The following ABCB10 variants were observed in gnomAD, a reference collection of about 807,000 sequenced individuals.
The protein encoded by ABCB10 is ATP-binding cassette sub-family B member 10, mitochondrial.
ABCB10 carries 54 observed loss-of-function variants against 65.4 expected under a neutral mutation model. That is an observed-to-expected ratio of 0.83 (90% confidence interval 0.66 to 1.04). ABCB10 has a LOEUF of 1.04. ABCB10 is among the 50% of genes least tolerant of loss of function. The pLI, the probability that ABCB10 is intolerant of heterozygous loss-of-function variation, is 0.00. For synonymous variants in ABCB10, 418 were observed against 406.5 expected (o/e 1.03, Z -0.34); for missense variants, 846 against 976.6 (o/e 0.87, Z 1.78).
intron 10 of ABCB10, 66 bp downstream of exon 10, chr1:229,525,870 A>T (rs1303127871): frequency 6.6e-7 from 1 of 1,523,392 alleles, no homozygotes; most frequent in East Asian, 2.3e-5. Flanking sequence ...AAACAAAAAA[A>T]ACAAGAAACA....
Position 229,527,918 on chromosome 1 carries a change from G to A in ABCB10, c.1646-610C>T, listed in dbSNP as rs183983554. Among the ~76,000 whole-genome samples the A allele has an allele frequency of 2.0e-5, 3 of 152,280 alleles. No homozygotes were observed. In the East Asian group the frequency reaches 5.8e-4, roughly 29 times the overall value. The stretch of plus-strand genomic sequence containing the variant: ...ATTACTCCTTAAAATATCCCTTTCT[G>A]TAATAAGCTTAGTTGGTGAGGAATC... On this transcript the variant is annotated intron_variant, in intron 8 of 12. Coordinates refer to ENST00000344517, the MANE Select transcript of ABCB10 (RefSeq NM_012089.3).
At chr1:229,548,766 G>A (rs572919238) in intron 2 of ABCB10, among the ~76,000 whole-genome samples, 42 of 151,010 alleles carry the variant, frequency 2.8e-4, no homozygotes, top group African/African-American at 9.7e-4. Flanking sequence ...AGGTTCAAGC[G>A]ATTCTCCTGC....
At chr1:229,540,965 G>A (rs1662829088) in intron 4 of ABCB10, among the ~76,000 whole-genome samples, 1 of 152,154 alleles carries the variant, frequency 6.6e-6, no homozygotes, top group Admixed American at 6.5e-5. Flanking sequence ...ACAAAGCAGA[G>A]TATACAAAAC....
chr1:229,548,518 C>T (rs372303879), intron 2 of ABCB10, among the ~76,000 whole-genome samples: 2 of 152,216 alleles, frequency 1.3e-5, no homozygotes, highest in East Asian at 3.9e-4. Flanking sequence ...AAAAACAAGA[C>T]CTCTTCAGAG....
rs149070231 is a variant in ABCB10 at position 229,523,977 on chromosome 1, T to TTA, written c.1906+1957_1906+1958dup. ...TCAAAGACGCCTTTTCATCTACTGC[T>TTA]TATATATATATATATATTTTAAATC... On this transcript the variant is annotated intron_variant, in intron 10 of 12. Coordinates refer to ENST00000344517, the MANE Select transcript of ABCB10 (RefSeq NM_012089.3). Among the ~76,000 whole-genome samples, 989 of 149,692 alleles carry TTA rather than the reference T, an allele frequency of 6.6e-3. 4 individuals are homozygous for TTA. The highest frequency in any genetic ancestry group is 0.028 in the Middle Eastern group (8 of 288).
At chr1:229,544,416 CAAAAAAAAAAAAAA>C (rs35004821) in intron 3 of ABCB10, among the ~76,000 whole-genome samples, 2 of 60,996 alleles carry the variant, frequency 3.3e-5, no homozygotes, top group Non-Finnish European at 5.9e-5. Flanking sequence ...GACCTTCTCT[CAAAAAAAAAAAAAA>C]AAAAAAAAAA....
chr1:229,519,040 G>A (rs1662239335), intron 11 of ABCB10, 165 bp from the exon 12 acceptor site: 2 of 530,108 alleles, frequency 3.8e-6, no homozygotes, highest in Non-Finnish European at 6.6e-6. Flanking sequence ...CATACTGTAT[G>A]AGTTCACTTA....
In ABCB10 at chr1:229,553,480, T is replaced by A. The variant is rs554770200; in HGVS notation, c.518-4046A>T. ...AGCAGCGGACAGAGCACTGTTCTAG[T>A]GCCCTAGGTGAGAAGCAAACTTAGG... On this transcript the variant is annotated intron_variant, in intron 1 of 12. Transcript: ENST00000344517. Among the ~76,000 whole-genome samples, 208 of 152,230 alleles carry A rather than the reference T, an allele frequency of 1.4e-3. 1 individual carries two copies. Among genetic ancestry groups the A allele is most frequent in the Non-Finnish European group, 4.1e-4 (28 of 68,000 alleles).
rs905838783 is a variant in ABCB10, at chr1:229,518,091, T to C, written c.*88A>G. ...GGTATTTTTCAAATAACTTGATATA[T>C]GGTTTATGTATTTCATAGTCTCTGA... On this transcript the variant is annotated 3_prime_UTR_variant, in exon 13 of 13. Coordinates refer to ENST00000344517, the MANE Select transcript of ABCB10 (RefSeq NM_012089.3). The C allele has an allele frequency of 4.3e-6, 4 of 932,500 alleles. No homozygotes were observed. The African/African-American group carries it at 5.0e-5, about 12-fold the overall frequency. 57.8% of individuals were successfully genotyped at this position (932,500 alleles called of 1,614,324 possible). A position where few individuals can be genotyped will look rare whatever the true frequency, so the allele number is the denominator to read the frequency against.
chr1:229,536,674 G>C (rs1324931260), intron 6 of ABCB10, among the ~76,000 whole-genome samples: 1 of 152,160 alleles, frequency 6.6e-6, no homozygotes, highest in African/African-American at 2.4e-5. Flanking sequence ...TGACATACTA[G>C]CCCAGTTGCG....
intron 6 of ABCB10, among the ~76,000 whole-genome samples, chr1:229,537,768 C>T (rs964250053): frequency 2.6e-5 from 4 of 152,096 alleles, no homozygotes; most frequent in African/African-American, 7.2e-5. Flanking sequence ...CCAGCTTGGG[C>T]GACAGAGCAA....
In ABCB10 at chr1:229,521,607, G is replaced by A. The variant is rs1175240006; in HGVS notation, c.1935C>T (p.Ala645=). The A allele has an allele frequency of 6.2e-7, 1 of 1,612,070 alleles. No individual in the cohort carries two copies. The highest frequency in any genetic ancestry group is 2.2e-5 in the East Asian group (1 of 44,840). Residue 645 remains alanine (A), a synonymous_variant, in exon 11 of 13, where the codon GCC becomes GCT. Coordinates refer to ENST00000344517, the MANE Select transcript of ABCB10 (RefSeq NM_012089.3). ...TCAGGCTTACCTTTAGCAGAGCACG[G>A]GCAATCGCAATCCGCTGTTTCTGCC... ...SGGQKQRIAI[A]RALLKNPKIL...
intron 3 of ABCB10, among the ~76,000 whole-genome samples, chr1:229,547,122 A>G (rs1242898350): frequency 2.6e-5 from 4 of 152,128 alleles, no homozygotes; most frequent in Admixed American, 1.3e-4. Context: ...CCCTTAAAAG[A>G]GCACAGTTCG....
rs1662823974 is a variant in ABCB10 at position 229,540,735 on chromosome 1, A to C, written c.1074T>G (p.Ile358Met). The change falls in exon 5 of 13, where the codon ATT becomes ATG. Residue 358 changes from isoleucine (I) to methionine (M), a missense_variant. By Grantham distance (10) the Ile-to-Met change is conservative (BLOSUM62 1). This residue lies in a region of ABCB10 where 632 missense variants were observed against 803.2 expected (regional missense o/e 0.79). Coordinates refer to ENST00000344517, the MANE Select transcript of ABCB10 (RefSeq NM_012089.3). ...AAGCTCGAACAGTTCTTACATTTCC[A>C]ATACGTTCCTCAGCTAGCTGGGAGA... ...AQATQLAEER[I>M]GNVRTVRAFG... 3.1e-6 allele frequency: 5 copies of C among 1,613,376 alleles called. No individual in the cohort carries two copies. The highest frequency in any genetic ancestry group is 4.2e-6 in the Non-Finnish European group (5 of 1,179,838).
chr1:229,521,193 A>G (rs1378921844), intron 11 of ABCB10, among the ~76,000 whole-genome samples: 1 of 152,178 alleles, frequency 6.6e-6, no homozygotes, highest in Non-Finnish European at 1.5e-5. Flanking sequence ...CCTTCTAGGA[A>G]TCTTGTCTAA....
At chr1:229,544,273 C>T (rs922230624) in intron 3 of ABCB10, among the ~76,000 whole-genome samples, 6 of 151,844 alleles carry the variant, frequency 4.0e-5, no homozygotes, top group Non-Finnish European at 7.4e-5. Flanking sequence ...AAAAATTAGC[C>T]GGGCATGGTG....
intron 11 of ABCB10, among the ~76,000 whole-genome samples, chr1:229,519,819 G>GTAAATAAA (rs71563405): frequency 6.7e-6 from 1 of 150,370 alleles, no homozygotes; most frequent in Admixed American, 6.6e-5. Context: ...AAGTAAGTAA[G>GTAAATAAA]TAAATAAATA....
intron 10 of ABCB10, among the ~76,000 whole-genome samples, chr1:229,522,351 C>G (rs1443560025): frequency 6.6e-6 from 1 of 152,062 alleles, no homozygotes; most frequent in African/African-American, 2.4e-5. Flanking sequence ...GGACCACAGG[C>G]CCATACCACC....
chr1:229,534,978 T>TGCA (rs1185164271), intron 6 of ABCB10: 1 of 138,400 alleles, frequency 7.2e-6, no homozygotes, highest in Non-Finnish European at 1.5e-5. Flanking sequence ...AGGTGGAGGT[T>TGCA]GCAGTGAGCT....
Sources: gnomAD v4.1 joint callset for allele counts (sites outside exome capture counted in the v4.1 genomes callset) on GRCh38, gnomAD v4.1.1 for gene constraint, gnomAD v4.1.1 regional missense constraint, MANE v1.5 for transcripts, NCBI Gene and HGNC (gene_info 2026-07-23, HGNC 2026-07-21) for gene names.